The following TTC27 variants were observed in gnomAD, a reference collection of about 807,000 sequenced individuals.
TTC27 encodes the protein tetratricopeptide repeat domain 27.
A neutral mutation model predicts 115.9 loss-of-function variants in TTC27; 79 were observed. That is an observed-to-expected ratio of 0.68 (90% CI 0.57 to 0.82). The LOEUF is 0.82. Ranked by LOEUF, TTC27 falls within the 40% of genes least tolerant of loss-of-function variation. The pLI is 0.00. For missense variants in TTC27, 1,054 were observed against 993.1 expected (o/e 1.06, Z -0.82); for synonymous variants, 401 against 356.0 (o/e 1.13, Z -1.42).
chr2:32,728,209 T>A (rs1668174960), intron 10 of TTC27, among the ~76,000 whole-genome samples: 1 of 151,704 alleles, frequency 6.6e-6, no homozygotes, highest in South Asian at 2.1e-4. Context: ...CCCGGCTAAT[T>A]TTTTTGTATT....
chr2:32,810,832 G>A (rs1289388951), intron 16 of TTC27, among the ~76,000 whole-genome samples, 192 bp from the exon 17 acceptor site: 3 of 152,200 alleles, frequency 2.0e-5, no homozygotes, highest in African/African-American at 7.2e-5. Context: ...CAGAGAGGTA[G>A]TCACCATGAG....
At chr2:32,803,285 G>A (rs1031847816) in intron 16 of TTC27, among the ~76,000 whole-genome samples, 2 of 152,248 alleles carry the variant, frequency 1.3e-5, no homozygotes, top group Non-Finnish European at 2.9e-5. Context: ...GGCTGCCCAA[G>A]CCCTTGCTGT....
At chr2:32,637,826 C>T (rs924209609) in intron 3 of TTC27, among the ~76,000 whole-genome samples, 1 of 152,172 alleles carries the variant, frequency 6.6e-6, no homozygotes, top group African/African-American at 2.4e-5. Flanking sequence ...TTCAGTACCT[C>T]CAGTTGGGGT....
At chr2:32,806,304 C>T (rs904929798) in intron 16 of TTC27, among the ~76,000 whole-genome samples, 1 of 152,104 alleles carries the variant, frequency 6.6e-6, no homozygotes, top group African/African-American at 2.4e-5. Context: ...GGAAATTGTA[C>T]TCATGGGTGA....
At chr2:32,643,519 C>G (rs559146607) in intron 4 of TTC27, among the ~76,000 whole-genome samples, 1 of 151,822 alleles carries the variant, frequency 6.6e-6, no homozygotes, top group East Asian at 2.0e-4. Context: ...TGTTGGCCAA[C>G]TGGTCTCAAA....
intron 5 of TTC27, among the ~76,000 whole-genome samples, chr2:32,662,237 G>A (rs190480896): frequency 0.063 from 9,635 of 151,954 alleles, 361 homozygotes; most frequent in East Asian, 0.13. Context: ...TCTTTTTTTT[G>A]TTGTGTCTCT....
rs777215420 is a variant in TTC27 at position 32,650,238 on chromosome 2, G to A, written c.640+5G>A. 7.4e-6 allele frequency: 12 copies of A among 1,611,218 alleles called. No individual in the cohort carries two copies. The Admixed American group carries it at 1.3e-4, about 18-fold the overall frequency. On this transcript the variant is annotated splice_donor_5th_base_variant and intron_variant, in intron 5 of 19. Transcript: ENST00000317907. ...CCGAAAACTGTATTGATCAAGGTAT[G>A]TAGCAGATTTTTGTTTGATATGGGC...
intron 10 of TTC27, among the ~76,000 whole-genome samples, chr2:32,723,773 T>TCCTTCCTTCCTTCCTC: frequency 7.7e-6 from 1 of 129,780 alleles, no homozygotes; most frequent in Admixed American, 8.1e-5. Flanking sequence ...CTTCCTTCCT[T>TCCTTCCTTCCTTCCTC]CCTTCTCTCC....
intron 10 of TTC27, among the ~76,000 whole-genome samples, chr2:32,721,620 CTT>C (rs58839860): frequency 8.7e-5 from 12 of 137,304 alleles, no homozygotes; most frequent in South Asian, 7.0e-4. Flanking sequence ...CTCTCTCTCT[CTT>C]TTTTTTTTTT....
At chr2:32,773,239 T>C (rs1669887623) in intron 13 of TTC27, among the ~76,000 whole-genome samples, 1 of 152,120 alleles carries the variant, frequency 6.6e-6, no homozygotes, top group Admixed American at 6.5e-5. Flanking sequence ...GCCTTCACGA[T>C]TTGCCCTGGA....
At chr2:32,670,929 A>C (rs1214031215) in intron 7 of TTC27, among the ~76,000 whole-genome samples, 1 of 146,070 alleles carries the variant, frequency 6.8e-6, no homozygotes, top group Non-Finnish European at 1.6e-5. Flanking sequence ...TCTCTTGCCC[A>C]TTTTTAATTT....
Position 32,633,775 on chromosome 2 carries a change from A to G in TTC27, c.267-101A>G, listed in dbSNP as rs183252649. 100 of 1,327,640 alleles carry G rather than the reference A, an allele frequency of 7.5e-5. 1 individual carries two copies. Among genetic ancestry groups the G allele is most frequent in the Non-Finnish European group, 1.0e-4 (98 of 972,224 alleles). The allele number at this position is 1,327,640 out of a possible 1,614,324, so 82.2% of individuals were successfully genotyped here. On this transcript the variant is annotated intron_variant, in intron 2 of 19. Coordinates refer to ENST00000317907, the MANE Select transcript of TTC27 (RefSeq NM_017735.5). Reference sequence around the variant, plus strand: ...TCTAGGATAGTCTCAATAAATGTTGATAGATATTATTTTCTTAATAAAACT... The same window carrying G: ...TCTAGGATAGTCTCAATAAATGTTGGTAGATATTATTTTCTTAATAAAACT...
chr2:32,782,574 T>C, intron 14 of TTC27, 52 bp from the exon 15 acceptor site: 1 of 1,551,580 alleles, frequency 6.4e-7, no homozygotes, highest in South Asian at 1.1e-5. Flanking sequence ...GTTTAAGCAA[T>C]AATTTTACCT....
intron 10 of TTC27, among the ~76,000 whole-genome samples, chr2:32,719,573 A>T (rs539752143): frequency 1.3e-5 from 2 of 152,326 alleles, no homozygotes; most frequent in Non-Finnish European, 2.9e-5. Flanking sequence ...TGGGGCAGAG[A>T]GCTAGCTTAT....
chr2:32,691,663 T>C (rs903917473), intron 9 of TTC27, among the ~76,000 whole-genome samples: 17 of 152,136 alleles, frequency 1.1e-4, no homozygotes, highest in Non-Finnish European at 1.5e-4. Flanking sequence ...ATACACCTTA[T>C]CAACAATTGC....
intron 11 of TTC27, 120 bp downstream of exon 11, chr2:32,734,043 A>T: frequency 1.6e-6 from 1 of 639,870 alleles, no homozygotes; most frequent in Non-Finnish European, 2.5e-6. Context: ...AAGATAATAA[A>T]TGTATCTGCC....
At position 32,664,434 on chromosome 2, in the gene TTC27, A is replaced by G. The variant is rs1255211537; in HGVS notation, c.772A>G (p.Lys258Glu). 1.2e-6 allele frequency: 2 copies of G among 1,609,320 alleles called. No individual in the cohort carries two copies. The highest frequency in any genetic ancestry group is 1.7e-4 in the Middle Eastern group (1 of 6,040). The change falls in exon 6 of 20, where the codon AAG (lysine) becomes GAG (glutamate). Residue 258 changes from lysine to glutamate, a missense_variant. By Grantham distance (56) the Lys-to-Glu change is moderately conservative. Transcript: ENST00000317907. ...RKAKDQLDIA[K>E]DISQLQIDLT... ...AGCAAAAGATCAGTTGGATATTGCT[A>G]AGGACATCAGCCAATTACAAATTGA...
intron 9 of TTC27, among the ~76,000 whole-genome samples, chr2:32,699,972 C>A (rs1377705613): frequency 6.6e-6 from 1 of 152,134 alleles, no homozygotes; most frequent in Non-Finnish European, 1.5e-5. Context: ...TTGGGACAAC[C>A]TTTTTAAAGG....
intron 13 of TTC27, among the ~76,000 whole-genome samples, chr2:32,767,566 A>G (rs996040838): frequency 2.1e-5 from 3 of 143,752 alleles, no homozygotes; most frequent in African/African-American, 7.8e-5. Context: ...GGTTCACGCC[A>G]TTCTCCTGCC....
Sources: allele counts gnomAD v4.1 joint callset (sites outside exome capture counted in the v4.1 genomes callset), GRCh38; gene constraint gnomAD v4.1.1; transcripts MANE v1.5; gene names NCBI Gene and HGNC (gene_info 2026-07-23, HGNC 2026-07-21).